KIF26B: variants seen among roughly 807,000 people sequenced by gnomAD.
KIF26B encodes the protein kinesin-like protein KIF26B.
In KIF26B, 63 loss-of-function variants were observed where a neutral mutation model predicts 151.2. The ratio of observed to expected loss-of-function variants is 0.42; its 90% CI spans 0.34 to 0.51. The LOEUF is 0.51. KIF26B is among the 20% of genes least tolerant of loss of function. KIF26B has a pLI of 0.07. For missense variants in KIF26B, 2,813 were observed against 2,913.6 expected, an observed-to-expected ratio of 0.97 and a Z score of 0.79; for synonymous variants, 1,357 against 1,262.1, an observed-to-expected ratio of 1.08 and a Z score of -1.59.
At position 245,513,917 on chromosome 1, in the gene KIF26B, C is replaced by T. The variant is rs940780290; in HGVS notation, c.1167-26850C>T. ...CTCATTTCATCTACACTGCAGAGAA[C>T]TCTCAAGCTCCTGGTGAGTTTTGCT... On this transcript the variant is annotated intron_variant, in intron 4 of 14. Coordinates refer to ENST00000407071, the MANE Select transcript of KIF26B (RefSeq NM_018012.4). Among the ~76,000 whole-genome samples, 5 of 152,226 alleles carry T rather than the reference C, an allele frequency of 3.3e-5. No homozygotes were observed. In the East Asian group the frequency reaches 9.6e-4, roughly 29 times the overall value.
intron 2 of KIF26B, among the ~76,000 whole-genome samples, chr1:245,305,802 G>T (rs1404695889): frequency 6.6e-6 from 1 of 151,860 alleles, no homozygotes; most frequent in Admixed American, 6.6e-5. Flanking sequence ...GCCGGGTGTG[G>T]TGGCGGGCGC....
intron 10 of KIF26B, among the ~76,000 whole-genome samples, chr1:245,666,472 G>A (rs12738716): frequency 0.12 from 17,755 of 152,124 alleles, 1,177 homozygotes; most frequent in African/African-American, 0.15. Flanking sequence ...CTGGTCAGCC[G>A]AATTAAAGCC....
chr1:245,680,313 C>T (rs991287895), intron 10 of KIF26B, among the ~76,000 whole-genome samples: 3 of 152,164 alleles, frequency 2.0e-5, no homozygotes, highest in Non-Finnish European at 2.9e-5. Flanking sequence ...TCCGCAGAGG[C>T]CCACATGAAG....
intron 2 of KIF26B, among the ~76,000 whole-genome samples, chr1:245,274,561 A>G (rs1182113186): frequency 2.7e-5 from 4 of 150,248 alleles, no homozygotes; most frequent in Non-Finnish European, 6.0e-5. Flanking sequence ...ACATGAATGC[A>G]CCTTTTTTTA....
At chr1:245,526,484 T>A (rs999886603) in intron 4 of KIF26B, among the ~76,000 whole-genome samples, 2 of 152,210 alleles carry the variant, frequency 1.3e-5, no homozygotes, top group African/African-American at 4.8e-5. Context: ...TCCTTTGAAA[T>A]AACCTTAATG....
chr1:245,264,250 A>T (rs1346235962), intron 2 of KIF26B, among the ~76,000 whole-genome samples: 1 of 152,240 alleles, frequency 6.6e-6, no homozygotes, highest in Non-Finnish European at 1.5e-5. Context: ...GACCATTTAA[A>T]AAAGATACTC....
intron 2 of KIF26B, among the ~76,000 whole-genome samples, chr1:245,303,154 C>T (rs1256646386): frequency 6.7e-6 from 1 of 150,162 alleles, no homozygotes; most frequent in Non-Finnish European, 1.5e-5. Flanking sequence ...CCTGAATTCC[C>T]TTATCTGCTG....
chr1:245,242,643 G>T (rs983400399), intron 2 of KIF26B, among the ~76,000 whole-genome samples: 4 of 108,928 alleles, frequency 3.7e-5, no homozygotes, highest in Non-Finnish European at 9.1e-5. Context: ...TATATATGTG[G>T]TTTTTTGTTT....
chr1:245,314,710 T>C lies in KIF26B; in HGVS notation c.466-52124T>C, dbSNP rs1465993550. On this transcript the variant is annotated intron_variant, in intron 2 of 14. Coordinates refer to ENST00000407071, the MANE Select transcript of KIF26B (RefSeq NM_018012.4). ...TGACCATGATTGCTCTTGCTTTTGG[T>C]GTCAGCGCCTACCTGTATGGTGCCC... Among the ~76,000 whole-genome samples the C allele has an allele frequency of 2.6e-4, 39 of 152,180 alleles. 1 individual carries two copies. The highest frequency in any genetic ancestry group is 7.3e-5 in the Non-Finnish European group (5 of 68,044).
rs144839224 is a variant in KIF26B, at chr1:245,708,904, G to A, written c.*6298G>A. 3 of 152,330 alleles carry A rather than the reference G, an allele frequency of 2.0e-5. No individual in the cohort carries two copies. The highest frequency in any genetic ancestry group is 4.8e-5 in the African/African-American group (2 of 41,576). The allele number at this position is 152,330 out of a possible 1,614,324, so 9.4% of individuals were successfully genotyped here. On this transcript the variant is annotated 3_prime_UTR_variant, in exon 15 of 15. Transcript: ENST00000407071. ...CAAGGTCTGCCCAGGTGCATTTATT[G>A]TGCCAGAAACAGTGAATTCCTAAAT...
chr1:245,527,153 G>C (rs1661254132), intron 4 of KIF26B, among the ~76,000 whole-genome samples: 1 of 152,180 alleles, frequency 6.6e-6, no homozygotes, highest in Non-Finnish European at 1.5e-5. Context: ...AAGGCAGCAT[G>C]GTGTAATGAA....
intron 4 of KIF26B, among the ~76,000 whole-genome samples, chr1:245,536,639 C>T (rs1019593206): frequency 1.3e-5 from 2 of 152,160 alleles, no homozygotes; most frequent in African/African-American, 2.4e-5. Context: ...CTCGAGGTTT[C>T]TGGGGGTCTA....
chr1:245,408,645 G>T (rs1309578805), intron 3 of KIF26B, among the ~76,000 whole-genome samples: 2 of 152,098 alleles, frequency 1.3e-5, no homozygotes, highest in African/African-American at 4.8e-5. Context: ...GTGAGCCACC[G>T]CGTCCGGCCC....
At chr1:245,634,223 C>G (rs2043811234) in intron 9 of KIF26B, among the ~76,000 whole-genome samples, 1 of 152,200 alleles carries the variant, frequency 6.6e-6, no homozygotes, top group Non-Finnish European at 1.5e-5. Flanking sequence ...AGTTCTAGTA[C>G]CTTTTTTGTG....
intron 2 of KIF26B, among the ~76,000 whole-genome samples, chr1:245,302,718 C>T (rs530341467): frequency 3.3e-5 from 5 of 151,924 alleles, no homozygotes; most frequent in African/African-American, 9.7e-5. Context: ...GTGCGGGGTG[C>T]GGTGGCTCAC....
In KIF26B at chr1:245,658,473, G is replaced by A. The variant is rs532407157; in HGVS notation, c.2258+12193G>A. ...GAACGCAGTGACACCAACAAGGCTC[G>A]CTGCACTCCCAGGCTCAAGTGATCC... is the stretch of plus-strand genomic sequence containing the variant. On this transcript the variant is annotated intron_variant, in intron 10 of 14. Coordinates refer to ENST00000407071, the MANE Select transcript of KIF26B (RefSeq NM_018012.4). Among the ~76,000 whole-genome samples the A allele has an allele frequency of 3.3e-5, 5 of 152,210 alleles. No individual in the cohort carries two copies. In the East Asian group the frequency reaches 5.8e-4, roughly 18 times the overall value.
intron 4 of KIF26B, among the ~76,000 whole-genome samples, chr1:245,517,907 C>G (rs1162992657): frequency 2.1e-5 from 3 of 143,736 alleles, no homozygotes; most frequent in Non-Finnish European, 3.0e-5. Flanking sequence ...GAGTCTCACT[C>G]TATCGCGCAG....
At chr1:245,660,884 T>G (rs1477296085) in intron 10 of KIF26B, among the ~76,000 whole-genome samples, 1 of 152,156 alleles carries the variant, frequency 6.6e-6, no homozygotes, top group African/African-American at 2.4e-5. Flanking sequence ...GGTGCGATCT[T>G]GGCTCACTGC....
rs1349356282 is a variant in KIF26B at position 245,688,022 on chromosome 1, T to A, written c.5039T>A (p.Leu1680His). Residue 1680 changes from leucine (L) to histidine (H), a missense_variant, in exon 12 of 15, where the codon CTC (leucine) becomes CAC (histidine). Physicochemically the swap from Leu to His is moderately conservative, Grantham distance 99. This residue lies in a region of KIF26B where 2,060 missense variants were observed against 2,088.6 expected (regional missense o/e 0.99). Coordinates refer to ENST00000407071, the MANE Select transcript of KIF26B (RefSeq NM_018012.4). The part of the protein sequence containing the change: ...GRATVSHYEC[L>H]SLERAESLSS... ...GCGACAGTCAGCCACTACGAATGCC[T>A]CTCCCTGGAGCGGGCCGAGAGCCTG... The A allele has an allele frequency of 1.3e-6, 2 of 1,560,984 alleles. No individual in the cohort carries two copies. The highest frequency in any genetic ancestry group is 1.9e-5 in the Admixed American group (1 of 52,230).
Sources: allele counts gnomAD v4.1 joint callset (sites outside exome capture counted in the v4.1 genomes callset), GRCh38; gene constraint gnomAD v4.1.1; regional missense constraint gnomAD v4.1.1; transcripts MANE v1.5; gene names NCBI Gene and HGNC (gene_info 2026-07-23, HGNC 2026-07-21).